The following ANAPC10 variants were observed in gnomAD, a reference collection of about 807,000 sequenced individuals.
The protein encoded by ANAPC10 is anaphase-promoting complex subunit 10.
Under a neutral mutation model 22.0 loss-of-function variants are expected in ANAPC10, and 12 were observed. The ratio of observed to expected loss-of-function variants is 0.55; its 90% confidence interval spans 0.35 to 0.88. The LOEUF (loss-of-function observed/expected upper bound fraction) is 0.88. Among genes scored for constraint, ANAPC10 ranks in the 40% least tolerant of loss-of-function variants. The probability of loss-of-function intolerance (pLI) is 0.01; values close to 1 mark genes in which losing one functional copy is unlikely to be tolerated. For missense variants in ANAPC10, 188 were observed against 220.9 expected, an observed-to-expected ratio of 0.85 and a Z score of 0.94; for synonymous variants, 65 against 69.5, an observed-to-expected ratio of 0.94 and a Z score of 0.32.
intron 4 of ANAPC10, among the ~76,000 whole-genome samples, chr4:145,059,756 TTAAG>T (rs1407414437): frequency 2.0e-5 from 3 of 152,192 alleles, no homozygotes; most frequent in Non-Finnish European, 2.9e-5. Flanking sequence ...GAAAAGGACT[TTAAG>T]TATCCTTGAA....
chr4:144,998,915 T>TA (rs1206897796), intron 4 of ANAPC10, among the ~76,000 whole-genome samples: 1 of 151,630 alleles, frequency 6.6e-6, no homozygotes, highest in African/African-American at 2.4e-5. Context: ...ATAGACACAA[T>TA]AAAAAATGAT....
chr4:145,013,785 A>C (rs989601799), intron 4 of ANAPC10, among the ~76,000 whole-genome samples: 3 of 152,178 alleles, frequency 2.0e-5, no homozygotes, highest in African/African-American at 7.2e-5. Flanking sequence ...GCAGAAAAGG[A>C]AGATCCTCCA....
chr4:145,084,580 TAAA>T (rs57351496), intron 2 of ANAPC10, among the ~76,000 whole-genome samples: 1 of 145,468 alleles, frequency 6.9e-6, no homozygotes, highest in Non-Finnish European at 1.5e-5. Context: ...GTTGATGAGC[TAAA>T]AAAAAAAAAA....
chr4:145,007,962 G>C (rs898426836), intron 4 of ANAPC10, among the ~76,000 whole-genome samples: 4 of 151,614 alleles, frequency 2.6e-5, no homozygotes, highest in Admixed American at 2.6e-4. Flanking sequence ...GAAGAAAAGA[G>C]AAAAGAATCA....
At chr4:145,073,073 T>C (rs1000158993) in intron 3 of ANAPC10, among the ~76,000 whole-genome samples, 4 of 152,156 alleles carry the variant, frequency 2.6e-5, no homozygotes, top group Non-Finnish European at 4.4e-5. Flanking sequence ...TTTAAGTTTT[T>C]TATAGAGACA....
chr4:145,076,168 T>C (rs1745167700), intron 3 of ANAPC10, among the ~76,000 whole-genome samples: 1 of 152,216 alleles, frequency 6.6e-6, no homozygotes, highest in Admixed American at 6.5e-5. Flanking sequence ...AGACTTCCCC[T>C]GACTGCTTTG....
chr4:145,034,189 G>C (rs1001993166), intron 4 of ANAPC10, among the ~76,000 whole-genome samples: 1 of 152,128 alleles, frequency 6.6e-6, no homozygotes, highest in Non-Finnish European at 1.5e-5. Flanking sequence ...GGGATACAAA[G>C]TATTAATCCT....
intron 3 of ANAPC10, among the ~76,000 whole-genome samples, chr4:145,080,907 C>CAAA (rs58188670): frequency 1.0e-4 from 4 of 38,776 alleles, no homozygotes; most frequent in African/African-American, 2.9e-4. Flanking sequence ...AACTCCATCT[C>CAAA]AAAAAAAAAA....
intron 4 of ANAPC10, among the ~76,000 whole-genome samples, chr4:145,042,379 C>T (rs1449008214): frequency 6.6e-6 from 1 of 151,988 alleles, no homozygotes; most frequent in Non-Finnish European, 1.5e-5. Flanking sequence ...AAGTGAAATA[C>T]AAGACATTTA....
intron 2 of ANAPC10, 138 bp downstream of exon 2, chr4:145,095,847 G>A: frequency 2.8e-6 from 3 of 1,066,658 alleles, no homozygotes; most frequent in Non-Finnish European, 4.2e-6. Context: ...TATTAATATA[G>A]AAAGGGTTCA....
At chr4:145,056,152 G>A (rs897535485) in intron 4 of ANAPC10, among the ~76,000 whole-genome samples, 2 of 152,136 alleles carry the variant, frequency 1.3e-5, no homozygotes, top group Non-Finnish European at 2.9e-5. Flanking sequence ...TAAGTCACCA[G>A]ATGAGATACA....
At chr4:145,088,613 G>C (rs1251815239) in intron 2 of ANAPC10, among the ~76,000 whole-genome samples, 1 of 152,022 alleles carries the variant, frequency 6.6e-6, no homozygotes, top group Non-Finnish European at 1.5e-5. Context: ...CATATCAACA[G>C]TTCTTAATCC....
chr4:144,998,989 T>G (rs1275585518), intron 4 of ANAPC10, among the ~76,000 whole-genome samples: 2 of 151,976 alleles, frequency 1.3e-5, no homozygotes, highest in Non-Finnish European at 2.9e-5. Flanking sequence ...TATAAACACC[T>G]CTACGCAAAT....
intron 3 of ANAPC10, among the ~76,000 whole-genome samples, chr4:145,078,494 A>C (rs149191476): frequency 4.8e-4 from 73 of 152,286 alleles, no homozygotes; most frequent in African/African-American, 1.7e-3. Flanking sequence ...CAATCAAACT[A>C]CTGACAGTTT....
intron 4 of ANAPC10, chr4:145,053,794 AAG>A (rs1256299699): frequency 4.6e-6 from 3 of 651,092 alleles, no homozygotes; most frequent in Non-Finnish European, 8.2e-6. Flanking sequence ...AAAAAAAAAA[AAG>A]GTTCCTGACT....
At chr4:145,000,960 C>T (rs879184153) in intron 4 of ANAPC10, among the ~76,000 whole-genome samples, 2 of 151,964 alleles carry the variant, frequency 1.3e-5, no homozygotes, top group Non-Finnish European at 1.5e-5. Flanking sequence ...AACCAAACAC[C>T]GCATGTTCTC....
In ANAPC10 at chr4:145,088,111, G is replaced by A. The variant is rs532648763; in HGVS notation, c.116-6361C>T. On this transcript the variant is annotated intron_variant, in intron 2 of 4. Transcript: ENST00000507656. ...CTTCCTGAAACACTTGTTTCCTCTT[G>A]ACTTCTATCCATGATTTCTCACTCT... 4.3e-4 allele frequency among the ~76,000 whole-genome samples: 65 copies of A among 152,272 alleles called. 2 individuals carry two copies. In the South Asian group the frequency reaches 0.011, roughly 25 times the overall value.
chr4:145,062,635 A>G (rs568713437), intron 4 of ANAPC10, among the ~76,000 whole-genome samples: 2 of 152,102 alleles, frequency 1.3e-5, no homozygotes, highest in Non-Finnish European at 2.9e-5. Context: ...AAAGTAAATT[A>G]AGATAATTGT....
chr4:145,033,928 G>A (rs903703275), intron 4 of ANAPC10, among the ~76,000 whole-genome samples: 3 of 152,182 alleles, frequency 2.0e-5, no homozygotes, highest in African/African-American at 7.2e-5. Context: ...CCTTTATCAA[G>A]TGACGTAAGA....
Sources: gnomAD v4.1 joint callset for allele counts (sites outside exome capture counted in the v4.1 genomes callset) on GRCh38, gnomAD v4.1.1 for gene constraint, MANE v1.5 for transcripts, NCBI Gene and HGNC (gene_info 2026-07-23, HGNC 2026-07-21) for gene names.